Variants in IKZF3 observed in about 807,000 individuals in gnomAD.
The protein encoded by IKZF3 is zinc finger protein Aiolos.
IKZF3 carries 10 observed loss-of-function variants against 49.0 expected under a neutral mutation model. The ratio of observed to expected loss-of-function variants is 0.20; its 90% CI spans 0.13 to 0.35. IKZF3 has a LOEUF of 0.35. Among genes scored for constraint, IKZF3 ranks in the 10% least tolerant of loss-of-function variants. IKZF3 has a pLI of 1.00. For synonymous variants in IKZF3, 209 were observed against 228.2 expected (o/e 0.92, Z 0.76); for missense variants, 498 against 664.8 (o/e 0.75, Z 2.76).
intron 2 of IKZF3, 78 bp downstream of exon 2, chr17:39,832,020 C>A: frequency 1.9e-6 from 2 of 1,049,044 alleles, no homozygotes; most frequent in Non-Finnish European, 2.9e-6. Flanking sequence ...TTACTGCAAC[C>A]AGAATAAGCA....
intron 1 of IKZF3, among the ~76,000 whole-genome samples, chr17:39,844,685 C>T (rs949296441): frequency 1.3e-5 from 2 of 151,638 alleles, no homozygotes; most frequent in African/African-American, 4.9e-5. Context: ...TGCAATGGTG[C>T]GATCTCGGTT....
At chr17:39,824,966 A>G (rs2061919113) in intron 3 of IKZF3, among the ~76,000 whole-genome samples, 1 of 152,126 alleles carries the variant, frequency 6.6e-6, no homozygotes, top group Non-Finnish European at 1.5e-5. Context: ...AAGAGCTGGG[A>G]TTACGGGTGT....
intron 3 of IKZF3, 81 bp from the exon 4 acceptor site, chr17:39,793,014 C>A: frequency 7.2e-7 from 1 of 1,380,956 alleles, no homozygotes; most frequent in Non-Finnish European, 1.0e-6. Flanking sequence ...AGACCCACAA[C>A]TGACAATTAA....
intron 1 of IKZF3, among the ~76,000 whole-genome samples, chr17:39,838,356 C>T (rs2062363502): frequency 6.6e-6 from 1 of 152,142 alleles, no homozygotes; most frequent in Admixed American, 6.5e-5. Flanking sequence ...ATTTTCATAT[C>T]TTCAAGTTCA....
chr17:39,843,765 C>A (rs12946040), intron 1 of IKZF3, among the ~76,000 whole-genome samples: 8,697 of 150,686 alleles, frequency 0.058, 401 homozygotes, highest in African/African-American at 0.12. Flanking sequence ...CGAGATGGCA[C>A]CACTGCACTC....
Position 39,864,279 on chromosome 17 carries a change from G to T in IKZF3, c.-153C>A. 1.3e-6 allele frequency: 1 copy of T among 789,876 alleles called. No homozygotes were observed. Among genetic ancestry groups the T allele is most frequent in the Non-Finnish European group, 1.9e-6 (1 of 513,706 alleles). The allele number at this position is 789,876 out of a possible 1,614,324, so 48.9% of individuals were successfully genotyped here. A position where few individuals can be genotyped will look rare whatever the true frequency, so the allele number is the denominator to read the frequency against. ...AGCCGCGTCGGCGCAGACTGAAAAG[G>T]GCAGGAGCCGGCGACCTGCCGGTGC... On this transcript the variant is annotated 5_prime_UTR_variant, in exon 1 of 8. Transcript: ENST00000346872.
chr17:39,763,785 A>T lies in IKZF3; in HGVS notation c.*2005T>A, dbSNP rs1335533264. On this transcript the variant is annotated 3_prime_UTR_variant, in exon 8 of 8. Transcript: ENST00000346872. Reference sequence around the variant, plus strand: ...GAATTAAAGCTAGAAGGGACCTAAGAGAACATTGAAATCTAATTCCTATTT... The same window carrying T: ...GAATTAAAGCTAGAAGGGACCTAAGTGAACATTGAAATCTAATTCCTATTT... 1 of 152,230 alleles carries T rather than the reference A, an allele frequency of 6.6e-6. No homozygotes were observed. The highest frequency in any genetic ancestry group is 1.5e-5 in the Non-Finnish European group (1 of 68,050). 9.4% of individuals were successfully genotyped at this position (152,230 alleles called of 1,614,324 possible). A position where few individuals can be genotyped will look rare whatever the true frequency, so the allele number is the denominator to read the frequency against.
At chr17:39,833,144 G>A (rs377461172) in intron 1 of IKZF3, among the ~76,000 whole-genome samples, 74 of 152,056 alleles carry the variant, frequency 4.9e-4, no homozygotes, top group African/African-American at 1.4e-3. Flanking sequence ...TCCATTCATC[G>A]ATCCAGCTTT....
intron 3 of IKZF3, among the ~76,000 whole-genome samples, chr17:39,822,486 T>C (rs1317901082): frequency 2.6e-5 from 4 of 152,202 alleles, no homozygotes; most frequent in South Asian, 2.1e-4. Flanking sequence ...TCTGCCATGA[T>C]TGTAAGTTTC....
At chr17:39,842,046 AAAAAAAAAAAAAAC>A (rs1397816296) in intron 1 of IKZF3, among the ~76,000 whole-genome samples, 2 of 147,110 alleles carry the variant, frequency 1.4e-5, no homozygotes, top group South Asian at 2.2e-4. Flanking sequence ...AAAAAAAAAA[AAAAAAAAAAAAAAC>A]CAGATAAAAT....
At chr17:39,841,919 G>A (rs959727315) in intron 1 of IKZF3, among the ~76,000 whole-genome samples, 1 of 151,402 alleles carries the variant, frequency 6.6e-6, no homozygotes, top group Non-Finnish European at 1.5e-5. Context: ...GGTGAAGTGT[G>A]CCTGTAGTCC....
rs944952501 is a variant in IKZF3 at position 39,822,373 on chromosome 17, G to A, written c.163+7014C>T. On this transcript the variant is annotated intron_variant, in intron 3 of 7. Transcript: ENST00000346872. Reference sequence around the variant, plus strand: ...AGGTGGTTTCCCCCATGCTGTTCTCGTGACAGTGAGTGAGTTCTCACAAGA... The same window carrying A: ...AGGTGGTTTCCCCCATGCTGTTCTCATGACAGTGAGTGAGTTCTCACAAGA... Among the ~76,000 whole-genome samples the A allele has an allele frequency of 4.6e-5, 7 of 152,058 alleles. No individual in the cohort carries two copies. The East Asian group carries it at 5.8e-4, about 13-fold the overall frequency.
At chr17:39,771,104 A>G (rs2060429166) in intron 7 of IKZF3, among the ~76,000 whole-genome samples, 1 of 152,230 alleles carries the variant, frequency 6.6e-6, no homozygotes, top group Non-Finnish European at 1.5e-5. Flanking sequence ...CCAAGAGCCC[A>G]CATATCCCAG....
At chr17:39,827,441 A>G (rs1234142829) in intron 3 of IKZF3, among the ~76,000 whole-genome samples, 2 of 151,546 alleles carry the variant, frequency 1.3e-5, no homozygotes, top group Non-Finnish European at 2.9e-5. Context: ...CTACAGGCAC[A>G]CACCACCACA....
chr17:39,862,714 C>T (rs9907564), intron 1 of IKZF3, among the ~76,000 whole-genome samples: 8,805 of 152,150 alleles, frequency 0.058, 400 homozygotes, highest in African/African-American at 0.12. Context: ...TATTGATCTA[C>T]ATTCTCTTTC....
chr17:39,781,673 C>T (rs1467230393), intron 6 of IKZF3, among the ~76,000 whole-genome samples: 1 of 152,142 alleles, frequency 6.6e-6, no homozygotes, highest in Non-Finnish European at 1.5e-5. Flanking sequence ...TCTGAGGACA[C>T]GTAATCAACA....
At chr17:39,835,075 C>T (rs12945253) in intron 1 of IKZF3, 6 of 426,008 alleles carry the variant, frequency 1.4e-5, no homozygotes, top group Non-Finnish European at 2.3e-5. Flanking sequence ...CTGGAGCCCC[C>T]GCCAGAGCCA....
intron 6 of IKZF3, among the ~76,000 whole-genome samples, chr17:39,779,904 T>C (rs1398485040): frequency 6.6e-6 from 1 of 152,060 alleles, no homozygotes; most frequent in Non-Finnish European, 1.5e-5. Context: ...GGGATTAGAG[T>C]AAAAAGCAAG....
intron 5 of IKZF3, among the ~76,000 whole-genome samples, chr17:39,788,878 C>T (rs1050082257): frequency 6.6e-6 from 1 of 152,186 alleles, no homozygotes; most frequent in Admixed American, 6.5e-5. Context: ...ATCCTTGCCA[C>T]GTGGCTATAG....
Sources: allele counts gnomAD v4.1 joint callset (sites outside exome capture counted in the v4.1 genomes callset), GRCh38; gene constraint gnomAD v4.1.1; transcripts MANE v1.5; gene names NCBI Gene and HGNC (gene_info 2026-07-23, HGNC 2026-07-21).